Variants in KCNA6 observed in about 807,000 individuals in gnomAD.
KCNA6 encodes potassium voltage-gated channel subfamily A member 6, also known as human brain potassium channel-2.
In KCNA6, 17 loss-of-function variants were observed where a neutral mutation model predicts 29.5. The observed-to-expected ratio is 0.58, with a 90% CI of 0.39 to 0.86. The LOEUF (loss-of-function observed/expected upper bound fraction) is 0.86, where lower values mean the gene tolerates loss of function less well. Ranked by LOEUF, KCNA6 falls within the 40% of genes least tolerant of loss-of-function variation. The pLI is 0.00. For synonymous variants in KCNA6, 296 were observed against 304.7 expected (o/e 0.97, Z 0.30); for missense variants, 450 against 703.4 (o/e 0.64, Z 4.07).
chr12:4,835,538 A>G, the KCNA6 span, among the ~76,000 whole-genome samples: 3 of 151,390 alleles, frequency 2.0e-5, no homozygotes, highest in Non-Finnish European at 4.4e-5. Flanking sequence ...TCTAACCTTT[A>G]CCTTCCCTTC....
At chr12:4,821,867 G>A in the KCNA6 span, among the ~76,000 whole-genome samples, 3 of 151,892 alleles carry the variant, frequency 2.0e-5, no homozygotes, top group South Asian at 4.2e-4. Flanking sequence ...ATGGAGTTTC[G>A]CTCTTGTTTC....
the KCNA6 span, among the ~76,000 whole-genome samples, chr12:4,837,301 T>G: frequency 0.64 from 97,156 of 150,866 alleles, 31,763 homozygotes; most frequent in Non-Finnish European, 0.7. Flanking sequence ...TCTTCATCAC[T>G]ATCCTTTGTA....
chr12:4,837,749 G>A, the KCNA6 span, among the ~76,000 whole-genome samples: 1 of 152,000 alleles, frequency 6.6e-6, no homozygotes, highest in Admixed American at 6.6e-5. Flanking sequence ...AATGTCCTCT[G>A]TGGACAATGC....
At position 4,811,531 on chromosome 12, in the gene KCNA6, G is replaced by T. The variant is rs994348000; in HGVS notation, c.1490G>T (p.Gly497Val). The change falls in exon 1 of 1, where the codon GGC (glycine) becomes GTC (valine). Residue 497 changes from glycine to valine, a missense_variant. Gly to Val is a moderately radical substitution (Grantham distance 109). Transcript: ENST00000280684. The surrounding 1 kb of genome is among the most constrained non-coding windows in gnomAD (Gnocchi z 7.1). The stretch of plus-strand genomic sequence containing the variant: ...CTGAGGGCAACTGACAACGGACTTG[G>T]CAAGCCTGACTTCCCCGAGGCTAAC... The T allele has an allele frequency of 2.5e-6, 4 of 1,614,092 alleles. No individual in the cohort carries two copies. The highest frequency in any genetic ancestry group is 3.4e-6 in the Non-Finnish European group (4 of 1,180,048).
At chr12:4,846,146 A>G in the KCNA6 span, among the ~76,000 whole-genome samples, 2 of 152,220 alleles carry the variant, frequency 1.3e-5, no homozygotes, top group Non-Finnish European at 2.9e-5. Context: ...GTTTGTGTAC[A>G]TCGAACCCCC....
At chr12:4,820,243 C>T in the KCNA6 span, among the ~76,000 whole-genome samples, 1 of 152,018 alleles carries the variant, frequency 6.6e-6, no homozygotes, top group African/African-American at 2.4e-5. Context: ...CTGAATATAT[C>T]TTGGAAGAAT....
chr12:4,826,266 G>T, the KCNA6 span, among the ~76,000 whole-genome samples: 1 of 152,078 alleles, frequency 6.6e-6, no homozygotes, highest in African/African-American at 2.4e-5. Context: ...GCTGCTGAGG[G>T]CTCTTACCTC....
At chr12:4,837,048 A>G in the KCNA6 span, among the ~76,000 whole-genome samples, 1 of 152,282 alleles carries the variant, frequency 6.6e-6, no homozygotes, top group East Asian at 1.9e-4. Context: ...AGGCAGGATT[A>G]TAGGGCTGGA....
the KCNA6 span, among the ~76,000 whole-genome samples, chr12:4,820,538 A>G: frequency 9.6e-6 from 1 of 104,290 alleles, no homozygotes; most frequent in East Asian, 2.2e-4. Context: ...AACTGTAAGG[A>G]TTACCTAAAC....
At chr12:4,832,836 T>C in the KCNA6 span, among the ~76,000 whole-genome samples, 1 of 152,216 alleles carries the variant, frequency 6.6e-6, no homozygotes, top group Admixed American at 6.5e-5. Context: ...CCACTCCTTT[T>C]GCACTCAGCA....
chr12:4,842,764 A>T, the KCNA6 span: 5 of 152,236 alleles, frequency 3.3e-5, no homozygotes, highest in Non-Finnish European at 5.9e-5. Flanking sequence ...ATTGGGGATT[A>T]CAATTCAACA....
At chr12:4,823,781 A>G in the KCNA6 span, among the ~76,000 whole-genome samples, 1 of 152,184 alleles carries the variant, frequency 6.6e-6, no homozygotes, top group Admixed American at 6.5e-5. Context: ...AAATAAATAA[A>G]TAATAAAATA....
chr12:4,849,834 A>G, the KCNA6 span, among the ~76,000 whole-genome samples: 1 of 152,258 alleles, frequency 6.6e-6, no homozygotes, highest in Non-Finnish European at 1.5e-5. Context: ...GCAGTTTCAC[A>G]AACACCTTGT....
the KCNA6 span, among the ~76,000 whole-genome samples, chr12:4,836,860 T>C: frequency 6.6e-6 from 1 of 152,182 alleles, no homozygotes; most frequent in South Asian, 2.1e-4. Context: ...AGGAGAAATA[T>C]TTTATCATTG....
chr12:4,847,990 A>G, the KCNA6 span, among the ~76,000 whole-genome samples: 1 of 152,178 alleles, frequency 6.6e-6, no homozygotes, highest in South Asian at 2.1e-4. Flanking sequence ...GAAGTGGCCA[A>G]CTGTCTCACC....
the KCNA6 span, among the ~76,000 whole-genome samples, chr12:4,827,172 CTTT>C: frequency 1.4e-4 from 15 of 108,468 alleles, no homozygotes; most frequent in African/African-American, 2.4e-4. Context: ...TTCCCTCCTT[CTTT>C]CCTTCCTTCC....
chr12:4,812,552 G>A, exon 1 of KCNA6: 1 of 167,140 alleles, frequency 6.0e-6, no homozygotes. Flanking sequence ...TTTCTCAAAG[G>A]GGCAGAGGAA....
At chr12:4,848,205 C>T in the KCNA6 span, among the ~76,000 whole-genome samples, 1 of 151,664 alleles carries the variant, frequency 6.6e-6, no homozygotes, top group Non-Finnish European at 1.5e-5. Context: ...AAAGGTGTGT[C>T]CACCTGCAAC....
At chr12:4,831,699 T>C in the KCNA6 span, among the ~76,000 whole-genome samples, 1 of 152,222 alleles carries the variant, frequency 6.6e-6, no homozygotes, top group African/African-American at 2.4e-5. Flanking sequence ...GTGTGTTAAT[T>C]CACTTACTCC....
Sources: gnomAD v4.1 joint callset for allele counts (sites outside exome capture counted in the v4.1 genomes callset) on GRCh38, gnomAD v4.1.1 for gene constraint, Gnocchi (gnomAD v3.1) non-coding constraint, MANE v1.5 for transcripts, NCBI Gene and HGNC (gene_info 2026-07-23, HGNC 2026-07-21) for gene names.